Variants in DST observed in about 807,000 individuals in gnomAD.
DST encodes bullous pemphigoid antigen.
A neutral mutation model predicts 875.2 loss-of-function variants in DST; 253 were observed. The ratio of observed to expected loss-of-function variants is 0.29; its 90% CI spans 0.26 to 0.32. The LOEUF is 0.32. DST is among the 10% of genes least tolerant of loss of function. The pLI, the probability that DST is intolerant of heterozygous loss-of-function variation, is 1.00. For synonymous variants in DST, 3,124 were observed against 3,197.1 expected, an observed-to-expected ratio of 0.98 and a Z score of 0.77; for missense variants, 8,287 against 9,111.6, an observed-to-expected ratio of 0.91 and a Z score of 3.68.
Position 56,537,201 on chromosome 6 carries a change from G to A in DST, c.16609-261C>T, listed in dbSNP as rs4472350. 0.66 allele frequency among the ~76,000 whole-genome samples: 100,856 copies of A among 152,106 alleles called. 33,975 individuals carry two copies. Among genetic ancestry groups the A allele is most frequent in the Non-Finnish European group, 0.71 (48,206 of 67,974 alleles). ...ACACTTAAGTTACTTATAAAACCAA[G>A]AAGACAGTACATGTCTCCTCTCTTT... On this transcript the variant is annotated intron_variant, in intron 61 of 103. Transcript: ENST00000680361.
chr6:56,540,669 T>C (rs1048896779), intron 61 of DST: 2 of 152,646 alleles, frequency 1.3e-5, no homozygotes, highest in African/African-American at 4.8e-5. Flanking sequence ...TCATTTTCTC[T>C]ATTTCTTGGC....
chr6:56,837,490 C>T (rs2099795078), intron 4 of DST, among the ~76,000 whole-genome samples: 1 of 152,098 alleles, frequency 6.6e-6, no homozygotes, highest in African/African-American at 2.4e-5. Context: ...CTCAGTCCTC[C>T]GCGCTGCTGC....
intron 80 of DST, among the ~76,000 whole-genome samples, chr6:56,499,392 T>C (rs1266436711): frequency 5.3e-5 from 8 of 152,106 alleles, no homozygotes; most frequent in Non-Finnish European, 1.2e-4. Flanking sequence ...TAGAAAGCAC[T>C]CACTTTGGTA....
At chr6:56,779,486 T>C (rs1252923410) in intron 4 of DST, among the ~76,000 whole-genome samples, 2 of 152,078 alleles carry the variant, frequency 1.3e-5, no homozygotes, top group Admixed American at 6.5e-5. Context: ...TGGTATTGTC[T>C]AGGTTTTCTT....
rs369194519 is a variant in DST, at chr6:56,553,346, G to A, written c.15446C>T (p.Thr5149Ile). Residue 5149 changes from threonine to isoleucine, a missense_variant, in exon 61 of 104, where the codon ACA becomes ATA. By Grantham distance (89) the Thr-to-Ile change is moderately conservative. Coordinates refer to ENST00000680361, the MANE Select transcript of DST (RefSeq NM_001374736.1). ...TCTTTCTTTCACCTGCTTATTAAAT[G>A]TATCCCAATTGGTTTTAATTGTATT... The part of the protein sequence containing the change: ...QLNTIKTNWD[T>I]FNKQVKEREN... 232 of 1,611,058 alleles carry A rather than the reference G, an allele frequency of 1.4e-4. 1 individual carries two copies. Among genetic ancestry groups the A allele is most frequent in the Admixed American group, 1.3e-3 (79 of 59,442 alleles).
At chr6:56,921,984 A>T (rs889341500) in intron 2 of DST, among the ~76,000 whole-genome samples, 3 of 152,156 alleles carry the variant, frequency 2.0e-5, no homozygotes, top group African/African-American at 7.2e-5. Flanking sequence ...AATTATTATT[A>T]TATTGCTGTT....
chr6:56,673,445 G>A (rs1173871627), intron 9 of DST, among the ~76,000 whole-genome samples: 1 of 152,052 alleles, frequency 6.6e-6, no homozygotes, highest in Admixed American at 6.6e-5. Flanking sequence ...ACTGTTTTCT[G>A]CTAATTCCAT....
chr6:56,549,158 G>A (rs1428641934), intron 61 of DST, among the ~76,000 whole-genome samples: 6 of 152,132 alleles, frequency 3.9e-5, no homozygotes, highest in Non-Finnish European at 8.8e-5. Flanking sequence ...GGCACCCCCT[G>A]CTGAGTAACT....
intron 61 of DST, chr6:56,542,680 G>A (rs1443878022): frequency 6.5e-6 from 1 of 152,846 alleles, no homozygotes; most frequent in African/African-American, 2.4e-5. Context: ...TGGCGGTGGA[G>A]GCAGCAGAAA....
At chr6:56,751,978 ATAAGT>A (rs1371836151) in intron 4 of DST, among the ~76,000 whole-genome samples, 2 of 152,216 alleles carry the variant, frequency 1.3e-5, no homozygotes, top group Non-Finnish European at 2.9e-5. Context: ...ACAAATCTCT[ATAAGT>A]TAATAATGGC....
At position 56,900,745 on chromosome 6, in the gene DST, A is replaced by C. The variant is rs528354576; in HGVS notation, c.217-124T>G. ...ATTCAGTGAGATCACGTGCACTCCC[A>C]AAGTGAGCATGGAGGAGGCTTAACG... On this transcript the variant is annotated intron_variant, in intron 2 of 103. Transcript: ENST00000680361. 591 of 613,652 alleles carry C rather than the reference A, an allele frequency of 9.6e-4. 5 individuals are homozygous for C. Among genetic ancestry groups the C allele is most frequent in the South Asian group, 5.3e-3 (288 of 54,226 alleles). 38.0% of individuals were successfully genotyped at this position (613,652 alleles called of 1,614,324 possible). A position where few individuals can be genotyped will look rare whatever the true frequency, so the allele number is the denominator to read the frequency against.
intron 10 of DST, among the ~76,000 whole-genome samples, chr6:56,663,438 G>A (rs886398816): frequency 1.3e-5 from 2 of 152,192 alleles, no homozygotes; most frequent in African/African-American, 4.8e-5. Flanking sequence ...TACAGCCCAT[G>A]GCCATGTGTA....
intron 2 of DST, among the ~76,000 whole-genome samples, chr6:56,928,131 GGCGGAGTGATGA>G (rs1184194697): frequency 6.6e-6 from 1 of 152,196 alleles, no homozygotes; most frequent in Non-Finnish European, 1.5e-5. Flanking sequence ...GTACCTACAA[GGCGGAGTGATGA>G]GGCTGGCTCT....
intron 2 of DST, among the ~76,000 whole-genome samples, chr6:56,918,343 T>G (rs1802373500): frequency 2.0e-5 from 3 of 151,966 alleles, no homozygotes; most frequent in Admixed American, 1.3e-4. Flanking sequence ...GTCAGGCTAG[T>G]CCCAAACTCC....
chr6:56,652,994 A>T (rs546659064), intron 10 of DST, among the ~76,000 whole-genome samples: 1 of 152,354 alleles, frequency 6.6e-6, no homozygotes, highest in East Asian at 1.9e-4. Context: ...TCTTTCAATA[A>T]AAAATCGTTT....
chr6:56,539,384 T>C (rs1167956240), intron 61 of DST, among the ~76,000 whole-genome samples: 2 of 152,180 alleles, frequency 1.3e-5, no homozygotes, highest in African/African-American at 4.8e-5. Flanking sequence ...TAGCATGCCA[T>C]TTACTGCATG....
intron 36 of DST, chr6:56,616,830 T>C: frequency 6.2e-7 from 1 of 1,614,176 alleles, no homozygotes; most frequent in African/African-American, 1.3e-5. Context: ...ACAGCTGCCT[T>C]CTCTGCCTCA....
At chr6:56,843,184 C>A (rs1163944606) in intron 4 of DST, 1 of 1,519,076 alleles carries the variant, frequency 6.6e-7, no homozygotes, top group South Asian at 1.3e-5. Context: ...AAATTCCCCT[C>A]TCCCCCTCGT....
intron 4 of DST, among the ~76,000 whole-genome samples, chr6:56,749,283 G>A (rs551018044): frequency 6.6e-5 from 10 of 152,238 alleles, no homozygotes; most frequent in African/African-American, 2.4e-4. Flanking sequence ...TAACCCGGGA[G>A]GCAGAGGTTG....
Sources: gnomAD v4.1 joint callset for allele counts (sites outside exome capture counted in the v4.1 genomes callset) on GRCh38, gnomAD v4.1.1 for gene constraint, MANE v1.5 for transcripts, NCBI Gene and HGNC (gene_info 2026-07-23, HGNC 2026-07-21) for gene names.